Variants in PCDHGB1 observed in about 807,000 individuals in gnomAD.
PCDHGB1 encodes the protein protocadherin gamma-B1.
Under a neutral mutation model 56.6 loss-of-function variants are expected in PCDHGB1, and 34 were observed. The observed-to-expected ratio is 0.60, with a 90% CI of 0.46 to 0.80. The LOEUF (loss-of-function observed/expected upper bound fraction) is 0.80, where lower values mean the gene tolerates loss of function less well. Among genes scored for constraint, PCDHGB1 ranks in the 30% least tolerant of loss-of-function variants. The probability of loss-of-function intolerance (pLI) is 0.00; values close to 1 mark genes in which losing one functional copy is unlikely to be tolerated. For missense variants in PCDHGB1, 1,278 were observed against 1,204.6 expected (o/e 1.06, Z -0.90); for synonymous variants, 561 against 505.9 (o/e 1.11, Z -1.46).
intron 1 of PCDHGB1, chr5:141,430,875 T>C: frequency 6.3e-7 from 1 of 1,599,398 alleles, no homozygotes; most frequent in Non-Finnish European, 8.5e-7. Context: ...CCGGAAGAGC[T>C]GGAGAAAGGC....
At chr5:141,469,671 A>T (rs1285283342) in intron 1 of PCDHGB1, among the ~76,000 whole-genome samples, 3 of 152,236 alleles carry the variant, frequency 2.0e-5, no homozygotes, top group Admixed American at 1.3e-4. Flanking sequence ...TTCTAATAAA[A>T]CTACATATGC....
intron 1 of PCDHGB1, among the ~76,000 whole-genome samples, chr5:141,369,532 T>C (rs1330154732): frequency 1.3e-5 from 2 of 152,314 alleles, no homozygotes; most frequent in African/African-American, 2.4e-5. Flanking sequence ...ATCATACTTA[T>C]TTAATTAAAA....
rs1387677265 is a variant in PCDHGB1 at position 141,486,434 on chromosome 5, T to C, written c.2410-8373T>C. 3 of 1,614,150 alleles carry C rather than the reference T, an allele frequency of 1.9e-6. No homozygotes were observed. The highest frequency in any genetic ancestry group is 2.5e-6 in the Non-Finnish European group (3 of 1,179,986). The stretch of plus-strand genomic sequence containing the variant: ...CTTGGATCGAGAGGCCAAATCTAGC[T>C]ATGACATCATGGTCACTGCTTCTGA... On this transcript the variant is annotated intron_variant, in intron 1 of 3. Coordinates refer to ENST00000523390, the MANE Select transcript of PCDHGB1 (RefSeq NM_018922.3). This position sits in a 1 kb window ranked among gnomAD's most constrained non-coding sequence, Gnocchi z 5.0.
intron 1 of PCDHGB1, chr5:141,399,825 C>T (rs1439243162): frequency 1.9e-6 from 3 of 1,613,178 alleles, no homozygotes; most frequent in Non-Finnish European, 2.5e-6. Flanking sequence ...TGGGTCCCGA[C>T]GGCTCTGCGC....
At chr5:141,384,075 T>C in intron 1 of PCDHGB1, 1 of 1,600,788 alleles carries the variant, frequency 6.2e-7, no homozygotes, top group Non-Finnish European at 8.5e-7. Context: ...ACCTACCTTT[T>C]AAATTAGAAA....
intron 1 of PCDHGB1, chr5:141,421,262 GGCT>G (rs748368476): frequency 2.1e-5 from 34 of 1,608,226 alleles, no homozygotes; most frequent in Admixed American, 5.1e-5. Flanking sequence ...GACCGCAGTC[GGCT>G]GCTGCTGCTG....
intron 1 of PCDHGB1, chr5:141,418,385 G>A (rs759618059): frequency 8.7e-6 from 14 of 1,613,930 alleles, no homozygotes; most frequent in Admixed American, 1.7e-5. Flanking sequence ...AAGTCCTAAC[G>A]AGTATTTCTC....
At chr5:141,442,029 A>C in intron 1 of PCDHGB1, 1 of 210,292 alleles carries the variant, frequency 4.8e-6, no homozygotes, top group Non-Finnish European at 9.8e-6. Context: ...CAGGAAAGCG[A>C]CTCGCCAGCG....
intron 1 of PCDHGB1, chr5:141,423,851 C>T (rs1311833319): frequency 7.8e-6 from 10 of 1,275,940 alleles, no homozygotes; most frequent in African/African-American, 1.6e-5. Flanking sequence ...TCTTTCAGAA[C>T]GTTTTTGTGA....
At chr5:141,365,049 C>T in intron 1 of PCDHGB1, 1 of 1,613,898 alleles carries the variant, frequency 6.2e-7, no homozygotes, top group Non-Finnish European at 8.5e-7. Flanking sequence ...GACAATGCGC[C>T]CCTGTTCACC....
At chr5:141,384,714 A>T (rs750526941) in intron 1 of PCDHGB1, 7 of 1,614,076 alleles carry the variant, frequency 4.3e-6, no homozygotes, top group Non-Finnish European at 5.9e-6. Context: ...CCTGGCTGTC[A>T]TACCTCCTGC....
At chr5:141,396,546 G>A (rs2093396215) in intron 1 of PCDHGB1, 1 of 152,118 alleles carries the variant, frequency 6.6e-6, no homozygotes, top group Non-Finnish European at 1.5e-5. Context: ...CTTGAACCCG[G>A]GAGGTGGAGG....
At chr5:141,498,679 C>G (rs1454800332) in intron 2 of PCDHGB1, among the ~76,000 whole-genome samples, 1 of 152,170 alleles carries the variant, frequency 6.6e-6, no homozygotes, top group Admixed American at 6.5e-5. Flanking sequence ...CGCCTGTAAT[C>G]CCAGCACTTT....
chr5:141,371,868 G>T (rs755178809), intron 1 of PCDHGB1: 5 of 1,613,392 alleles, frequency 3.1e-6, no homozygotes, highest in Non-Finnish European at 4.2e-6. Flanking sequence ...CTACTACATC[G>T]TGGCCAGTGA....
intron 1 of PCDHGB1, chr5:141,361,181 T>C: frequency 6.2e-7 from 1 of 1,613,970 alleles, no homozygotes. Flanking sequence ...GAAGTTATTG[T>C]GACTTCAGTA....
At chr5:141,502,914 T>G (rs78646636) in intron 2 of PCDHGB1, among the ~76,000 whole-genome samples, 4,865 of 139,540 alleles carry the variant, frequency 0.035, 119 homozygotes, top group South Asian at 0.075. Flanking sequence ...CAGGCTGGAG[T>G]GCAGTGGCAA....
chr5:141,445,120 AT>A (rs1287463110), intron 1 of PCDHGB1, among the ~76,000 whole-genome samples: 1 of 152,228 alleles, frequency 6.6e-6, no homozygotes, highest in African/African-American at 2.4e-5. Flanking sequence ...TGTAAATAGT[AT>A]TTTTAAAATT....
At chr5:141,462,415 C>G (rs998182982) in intron 1 of PCDHGB1, among the ~76,000 whole-genome samples, 2 of 152,092 alleles carry the variant, frequency 1.3e-5, no homozygotes, top group Non-Finnish European at 2.9e-5. Context: ...AGAATATGGT[C>G]TATCTTGGTG....
intron 1 of PCDHGB1, chr5:141,421,734 G>T: frequency 6.2e-7 from 1 of 1,613,948 alleles, no homozygotes; most frequent in Non-Finnish European, 8.5e-7. Flanking sequence ...ACTCCCTCCA[G>T]AGCTACCAGC....
Sources: allele counts gnomAD v4.1 joint callset (sites outside exome capture counted in the v4.1 genomes callset), GRCh38; gene constraint gnomAD v4.1.1; non-coding constraint Gnocchi (gnomAD v3.1); transcripts MANE v1.5; gene names NCBI Gene and HGNC (gene_info 2026-07-23, HGNC 2026-07-21).